Variants in PLCB4 observed in about 807,000 individuals in gnomAD.
The protein encoded by PLCB4 is phospholipase C beta 4.
Under a neutral mutation model 178.8 loss-of-function variants are expected in PLCB4, and 77 were observed. The ratio of observed to expected loss-of-function variants is 0.43; its 90% confidence interval spans 0.36 to 0.52. PLCB4 has a LOEUF of 0.52. Ranked by LOEUF, PLCB4 falls within the 20% of genes least tolerant of loss-of-function variation. The probability of loss-of-function intolerance (pLI) is 0.00; values close to 1 mark genes in which losing one functional copy is unlikely to be tolerated. For synonymous variants in PLCB4, 496 were observed against 490.8 expected (o/e 1.01, Z -0.14); for missense variants, 1,024 against 1,453.4 (o/e 0.70, Z 4.80).
At chr20:9,241,001 A>G (rs962194034) in intron 3 of PLCB4, among the ~76,000 whole-genome samples, 29 of 152,318 alleles carry the variant, frequency 1.9e-4, no homozygotes, top group African/African-American at 6.3e-4. Flanking sequence ...TGAATCAGTC[A>G]TATTTCTTCT....
At chr20:9,403,736 T>G (rs899341718) in intron 20 of PLCB4, among the ~76,000 whole-genome samples, 1 of 152,208 alleles carries the variant, frequency 6.6e-6, no homozygotes, top group African/African-American at 2.4e-5. Context: ...GGCACATGAG[T>G]AGGTTCCAGT....
At chr20:9,100,916 A>G (rs921093304) in intron 2 of PLCB4, among the ~76,000 whole-genome samples, 20 of 152,178 alleles carry the variant, frequency 1.3e-4, no homozygotes, top group South Asian at 4.2e-4. Flanking sequence ...CCTCCGTAGA[A>G]TGCTACGGTG....
intron 1 of PLCB4, among the ~76,000 whole-genome samples, chr20:9,087,072 G>C (rs2090461421): frequency 6.6e-6 from 1 of 152,006 alleles, no homozygotes; most frequent in Non-Finnish European, 1.5e-5. Context: ...CGTTTAAAAT[G>C]TGTCTCTTTG....
chr20:9,457,604 C>T, intron 34 of PLCB4, 115 bp downstream of exon 34: 1 of 671,230 alleles, frequency 1.5e-6, no homozygotes, highest in Middle Eastern at 2.5e-4. Flanking sequence ...GTCTAGTAGC[C>T]TGCAGCTGAT....
intron 3 of PLCB4, among the ~76,000 whole-genome samples, chr20:9,247,903 T>C (rs2094141553): frequency 6.6e-6 from 1 of 152,180 alleles, no homozygotes; most frequent in Non-Finnish European, 1.5e-5. Flanking sequence ...TACAAAAATA[T>C]TTTTTATTTC....
At chr20:9,410,032 A>G (rs557267448) in intron 24 of PLCB4, among the ~76,000 whole-genome samples, 21 of 152,172 alleles carry the variant, frequency 1.4e-4, no homozygotes, top group Non-Finnish European at 2.8e-4. Context: ...ATGCTTCCCA[A>G]TTTGAGGATT....
At chr20:9,180,872 A>G (rs2093234614) in intron 2 of PLCB4, among the ~76,000 whole-genome samples, 1 of 152,204 alleles carries the variant, frequency 6.6e-6, no homozygotes, top group Non-Finnish European at 1.5e-5. Flanking sequence ...TTGTTCCTAC[A>G]AAATTATTTA....
At chr20:9,109,155 G>A (rs1296269218) in intron 2 of PLCB4, among the ~76,000 whole-genome samples, 1 of 152,154 alleles carries the variant, frequency 6.6e-6, no homozygotes. Context: ...GAGCAGAGAT[G>A]TGAATTTGTA....
intron 7 of PLCB4, among the ~76,000 whole-genome samples, chr20:9,360,962 G>GAAAC (rs2035272541): frequency 6.6e-6 from 1 of 152,034 alleles, no homozygotes; most frequent in African/African-American, 2.4e-5. Context: ...CTTAAAAAAA[G>GAAAC]AAACAAACAA....
intron 30 of PLCB4, among the ~76,000 whole-genome samples, chr20:9,439,107 C>T (rs1194755985): frequency 2.6e-5 from 4 of 152,190 alleles, no homozygotes; most frequent in Non-Finnish European, 5.9e-5. Context: ...TGCTGCATAA[C>T]AAATGACCTC....
At chr20:9,450,286 A>G (rs1308078860) in intron 32 of PLCB4, among the ~76,000 whole-genome samples, 1 of 152,206 alleles carries the variant, frequency 6.6e-6, no homozygotes, top group African/African-American at 2.4e-5. Context: ...ATGGACTTAG[A>G]GATCATTTCA....
At chr20:9,214,189 C>A (rs1397332216) in intron 2 of PLCB4, among the ~76,000 whole-genome samples, 1 of 152,180 alleles carries the variant, frequency 6.6e-6, no homozygotes, top group East Asian at 1.9e-4. Context: ...GTTCTGGTCA[C>A]AAGGATGGTG....
At chr20:9,458,626 C>T (rs1038096380) in intron 34 of PLCB4, among the ~76,000 whole-genome samples, 10 of 152,152 alleles carry the variant, frequency 6.6e-5, no homozygotes, top group Non-Finnish European at 1.3e-4. Context: ...CTGGCTGTTG[C>T]TTGTTTTCCT....
intron 7 of PLCB4, among the ~76,000 whole-genome samples, chr20:9,359,206 A>G (rs1009706876): frequency 8.5e-5 from 13 of 152,182 alleles, no homozygotes; most frequent in Admixed American, 5.9e-4. Flanking sequence ...TGTCTATGTC[A>G]GTCCTAATGT....
intron 2 of PLCB4, among the ~76,000 whole-genome samples, chr20:9,162,152 C>A (rs2092899233): frequency 6.6e-6 from 1 of 151,976 alleles, no homozygotes; most frequent in African/African-American, 2.4e-5. Flanking sequence ...AATGTCATAC[C>A]CTGCTTTAAA....
intron 3 of PLCB4, among the ~76,000 whole-genome samples, chr20:9,289,601 T>A (rs896722785): frequency 6.6e-6 from 1 of 152,040 alleles, no homozygotes; most frequent in African/African-American, 2.4e-5. Flanking sequence ...TTAAACTACC[T>A]CTTATTAAAG....
chr20:9,437,201 C>T (rs772340039), intron 30 of PLCB4, 49 bp downstream of exon 30: 310 of 1,518,086 alleles, frequency 2.0e-4, no homozygotes, highest in Non-Finnish European at 2.8e-4. Context: ...ACCTTAATTA[C>T]ACAGTGTACA....
At chr20:9,291,415 C>CT (rs949758661) in intron 3 of PLCB4, among the ~76,000 whole-genome samples, 1 of 152,080 alleles carries the variant, frequency 6.6e-6, no homozygotes, top group Non-Finnish European at 1.5e-5. Context: ...AATGCCAAAC[C>CT]TGAGGAGGAG....
At chr20:9,368,452 T>G (rs1474791281) in intron 9 of PLCB4, among the ~76,000 whole-genome samples, 1 of 152,106 alleles carries the variant, frequency 6.6e-6, no homozygotes, top group South Asian at 2.1e-4. Flanking sequence ...ACTAGAAAAT[T>G]GGGAAGTGAG....
Sources: gnomAD v4.1 joint callset for allele counts (sites outside exome capture counted in the v4.1 genomes callset) on GRCh38, gnomAD v4.1.1 for gene constraint, MANE v1.5 for transcripts, NCBI Gene and HGNC (gene_info 2026-07-23, HGNC 2026-07-21) for gene names.